HPCAL1: variants seen among roughly 807,000 people sequenced by gnomAD.
The protein encoded by HPCAL1 is hippocalcin-like protein 1.
A neutral mutation model predicts 17.1 loss-of-function variants in HPCAL1; 8 were observed. That is an observed-to-expected ratio of 0.47 (90% CI 0.27 to 0.84). HPCAL1 has a LOEUF of 0.84. HPCAL1 is among the 40% of genes least tolerant of loss of function. The probability of loss-of-function intolerance (pLI) is 0.13; values close to 1 mark genes in which losing one functional copy is unlikely to be tolerated. For synonymous variants in HPCAL1, 112 were observed against 111.4 expected (o/e 1.01, Z -0.03); for missense variants, 165 against 271.1 (o/e 0.61, Z 2.75).
intron 1 of HPCAL1, among the ~76,000 whole-genome samples, chr2:10,370,785 C>G (rs560546427): frequency 6.6e-6 from 1 of 152,338 alleles, no homozygotes; most frequent in South Asian, 2.1e-4. Context: ...CTTGGGGGCT[C>G]CCAGGTAGCA....
rs773570341 is a variant in HPCAL1 at position 10,423,050 on chromosome 2, C to A, written c.446C>A (p.Thr149Lys). 6.2e-7 allele frequency: 1 copy of A among 1,613,510 alleles called. No individual in the cohort carries two copies. Residue 149 changes from threonine (T) to lysine (K), a missense_variant, in exon 4 of 5, where the codon ACA becomes AAA. Transcript: ENST00000307845. ...PEDESTPEKR[T>K]DKIFRQMDTN... ...GATGAGTCCACCCCGGAGAAGCGCACAGACAAGATCTTCAGGCAGATGGAC... is the reference window on the plus strand; with the variant it reads ...GATGAGTCCACCCCGGAGAAGCGCAAAGACAAGATCTTCAGGCAGATGGAC...
chr2:10,348,336 C>T (rs1230229402), intron 1 of HPCAL1, among the ~76,000 whole-genome samples: 1 of 152,152 alleles, frequency 6.6e-6, no homozygotes, highest in Non-Finnish European at 1.5e-5. Context: ...GTAATCCCAG[C>T]TACTCGGGAG....
intron 2 of HPCAL1, among the ~76,000 whole-genome samples, chr2:10,402,912 A>T (rs73914075): frequency 0.039 from 5,973 of 152,060 alleles, 390 homozygotes; most frequent in African/African-American, 0.14. Flanking sequence ...TCTCACAAAC[A>T]CCTCTTCAGT....
chr2:10,420,210 T>TTTC (rs1491131748), intron 3 of HPCAL1, 75 bp downstream of exon 3: 1 of 270,232 alleles, frequency 3.7e-6, no homozygotes, highest in Non-Finnish European at 4.8e-6. Flanking sequence ...AGCCCAGGGC[T>TTTC]TTTTTTTTTT....
chr2:10,356,406 G>A (rs919452916), intron 1 of HPCAL1, among the ~76,000 whole-genome samples: 1 of 152,110 alleles, frequency 6.6e-6, no homozygotes, highest in African/African-American at 2.4e-5. Flanking sequence ...GACAGACTGG[G>A]GTAAAAGCAA....
intron 1 of HPCAL1, among the ~76,000 whole-genome samples, chr2:10,348,808 C>A (rs572516206): frequency 5.3e-5 from 8 of 152,126 alleles, no homozygotes; most frequent in African/African-American, 1.9e-4. Context: ...TGGATTCTGG[C>A]CTTCTCCTGG....
At chr2:10,305,973 C>T (rs979411646) in intron 1 of HPCAL1, among the ~76,000 whole-genome samples, 8 of 152,210 alleles carry the variant, frequency 5.3e-5, no homozygotes, top group Non-Finnish European at 7.3e-5. Flanking sequence ...GTCTGCAGCG[C>T]GGGTACAGTG....
chr2:10,417,501 A>C (rs1572860435), intron 2 of HPCAL1, among the ~76,000 whole-genome samples: 1 of 152,304 alleles, frequency 6.6e-6, no homozygotes, highest in African/African-American at 2.4e-5. Context: ...TTCTTTTCTC[A>C]TAAATGGTAA....
intron 1 of HPCAL1, among the ~76,000 whole-genome samples, chr2:10,347,009 T>C (rs577204978): frequency 7.5e-6 from 1 of 134,028 alleles, no homozygotes; most frequent in East Asian, 2.4e-4. Flanking sequence ...TGCAGAGTGG[T>C]GCGAACTGTT....
At chr2:10,387,672 T>G (rs1448563937) in intron 1 of HPCAL1, among the ~76,000 whole-genome samples, 1 of 152,218 alleles carries the variant, frequency 6.6e-6, no homozygotes, top group Admixed American at 6.5e-5. Context: ...CATGTGACAG[T>G]GACCAACAGG....
rs1006107128 is a variant in HPCAL1, at chr2:10,331,099, G to A, written c.-111+27922G>A. Reference sequence around the variant, plus strand: ...CATCTGCTCTCCCGGCTGCAGGAGCGGTTTCTCTAAGCCTTGCAAGTGACC... The same window carrying A: ...CATCTGCTCTCCCGGCTGCAGGAGCAGTTTCTCTAAGCCTTGCAAGTGACC... On this transcript the variant is annotated intron_variant, in intron 1 of 4. Transcript: ENST00000307845. The surrounding 1 kb of genome is among the most constrained non-coding windows in gnomAD (Gnocchi z 5.0). Among the ~76,000 whole-genome samples the A allele has an allele frequency of 1.3e-5, 2 of 152,102 alleles. No individual in the cohort carries two copies. Among genetic ancestry groups the A allele is most frequent in the Non-Finnish European group, 2.9e-5 (2 of 68,010 alleles).
intron 1 of HPCAL1, among the ~76,000 whole-genome samples, chr2:10,347,642 G>C (rs1385322361): frequency 6.6e-6 from 1 of 152,168 alleles, no homozygotes; most frequent in Non-Finnish European, 1.5e-5. Flanking sequence ...CCTTTCTGGT[G>C]CTGTTCCTCA....
intron 1 of HPCAL1, among the ~76,000 whole-genome samples, chr2:10,307,037 C>A (rs1025326210): frequency 2.0e-5 from 3 of 152,138 alleles, no homozygotes; most frequent in Admixed American, 6.5e-5. Context: ...GTATTTGGAT[C>A]TTTTTGGTGC....
intron 1 of HPCAL1, among the ~76,000 whole-genome samples, chr2:10,317,670 G>A (rs1305600989): frequency 6.6e-6 from 1 of 152,160 alleles, no homozygotes; most frequent in Non-Finnish European, 1.5e-5. Context: ...CACCCACCTT[G>A]GCTTCCCAAA....
At chr2:10,347,087 T>C (rs1294113069) in intron 1 of HPCAL1, among the ~76,000 whole-genome samples, 1 of 151,980 alleles carries the variant, frequency 6.6e-6, no homozygotes, top group African/African-American at 2.4e-5. Flanking sequence ...TTCAGAAGTC[T>C]CTAGAGAGCC....
Position 10,419,691 on chromosome 2 carries a change from CG to C in HPCAL1, c.-24-42del. 3 of 1,552,664 alleles carry C rather than the reference CG, an allele frequency of 1.9e-6. No homozygotes were observed. The highest frequency in any genetic ancestry group is 2.6e-6 in the Non-Finnish European group (3 of 1,150,190). On this transcript the variant is annotated intron_variant, in intron 2 of 4. Coordinates refer to ENST00000307845, the MANE Select transcript of HPCAL1 (RefSeq NM_002149.4). This position sits in a 1 kb window ranked among gnomAD's most constrained non-coding sequence, Gnocchi z 5.0. ...TCCGGCACATGGCTCAGCCCTGCTC[CG>C]TGGCCGTGGGTGGCGTCCCCGGCTG...
At chr2:10,420,761 A>G (rs1258488546) in intron 3 of HPCAL1, among the ~76,000 whole-genome samples, 1 of 152,024 alleles carries the variant, frequency 6.6e-6, no homozygotes, top group African/African-American at 2.4e-5. Context: ...TCTAAAAATT[A>G]TATTTTATAT....
intron 3 of HPCAL1, among the ~76,000 whole-genome samples, chr2:10,421,199 A>G (rs56289457): frequency 0.33 from 50,167 of 152,216 alleles, 8,994 homozygotes; most frequent in East Asian, 0.58. Flanking sequence ...CTGAAGCATT[A>G]ACGATCACGA....
intron 1 of HPCAL1, among the ~76,000 whole-genome samples, chr2:10,311,234 G>T (rs758118199): frequency 6.6e-6 from 1 of 152,060 alleles, no homozygotes; most frequent in Non-Finnish European, 1.5e-5. Context: ...TTTGGAGCCC[G>T]TGCTGGTGAT....
Sources: gnomAD v4.1 joint callset for allele counts (sites outside exome capture counted in the v4.1 genomes callset) on GRCh38, gnomAD v4.1.1 for gene constraint, Gnocchi (gnomAD v3.1) non-coding constraint, MANE v1.5 for transcripts, NCBI Gene and HGNC (gene_info 2026-07-23, HGNC 2026-07-21) for gene names.